Variants in PCDH15 observed in about 807,000 individuals in gnomAD.
PCDH15 encodes protocadherin related 15, also known as protocadherin-15.
A neutral mutation model predicts 178.5 loss-of-function variants in PCDH15; 129 were observed. That is an observed-to-expected ratio of 0.72 (90% CI 0.63 to 0.84). The LOEUF (loss-of-function observed/expected upper bound fraction) is 0.84. PCDH15 is among the 40% of genes least tolerant of loss of function. The probability of loss-of-function intolerance (pLI) is 0.00; values close to 1 mark genes in which losing one functional copy is unlikely to be tolerated. For synonymous variants in PCDH15, 800 were observed against 732.0 expected, an observed-to-expected ratio of 1.09 and a Z score of -1.50; for missense variants, 2,230 against 2,099.9, an observed-to-expected ratio of 1.06 and a Z score of -1.21.
chr10:54,880,234 T>C (rs1054255490), intron 3 of PCDH15, among the ~76,000 whole-genome samples: 3 of 152,186 alleles, frequency 2.0e-5, no homozygotes, highest in Non-Finnish European at 4.4e-5. Context: ...GCTAACTTGC[T>C]AATCAAAACT....
intron 2 of PCDH15, among the ~76,000 whole-genome samples, chr10:55,482,320 T>C (rs1282253966): frequency 2.6e-5 from 4 of 151,802 alleles, no homozygotes; most frequent in Admixed American, 6.6e-5. Flanking sequence ...ATTTAGCCCA[T>C]CCAGGTTAGT....
intron 2 of PCDH15, among the ~76,000 whole-genome samples, chr10:54,649,266 A>C: frequency 6.6e-6 from 1 of 152,224 alleles, no homozygotes; most frequent in East Asian, 1.9e-4. Flanking sequence ...TTTTCTAAAT[A>C]ATACACAATC....
intron 1 of PCDH15, among the ~76,000 whole-genome samples, chr10:54,791,951 T>C (rs1318494491): frequency 6.6e-6 from 1 of 151,916 alleles, no homozygotes; most frequent in Non-Finnish European, 1.5e-5. Flanking sequence ...GAAGCCCCTC[T>C]TGTTACAACA....
At chr10:54,423,150 T>G (rs2135871357) in intron 3 of PCDH15, among the ~76,000 whole-genome samples, 1 of 152,190 alleles carries the variant, frequency 6.6e-6, no homozygotes, top group African/African-American at 2.4e-5. Context: ...AATTTATTGA[T>G]ATTTAGTTAT....
intron 2 of PCDH15, among the ~76,000 whole-genome samples, chr10:55,424,558 T>C (rs1000531686): frequency 1.3e-5 from 2 of 152,150 alleles, no homozygotes; most frequent in Non-Finnish European, 1.5e-5. Context: ...ATGAACACTT[T>C]CCAGGCTACA....
rs1438228966 is a variant in PCDH15, at chr10:53,947,726, A to G, written c.3123-6751T>C. ...AGGATGGATTTTAGATAAGAAAATT[A>G]ATGAAGGGCCAAAAGACTAGACACT... is the stretch of plus-strand genomic sequence containing the variant. On this transcript the variant is annotated intron_variant, in intron 23 of 37. Coordinates refer to ENST00000644397, the MANE Select transcript of PCDH15 (RefSeq NM_001384140.1). Among the ~76,000 whole-genome samples the G allele has an allele frequency of 4.6e-5, 7 of 152,150 alleles. No individual in the cohort carries two copies. The South Asian group carries it at 1.4e-3, about 32-fold the overall frequency.
intron 15 of PCDH15, among the ~76,000 whole-genome samples, chr10:54,110,607 C>T (rs2095001444): frequency 6.6e-6 from 1 of 152,050 alleles, no homozygotes; most frequent in Admixed American, 6.6e-5. Context: ...GAATGAACTA[C>T]CTTTATTTTG....
intron 1 of PCDH15, among the ~76,000 whole-genome samples, chr10:54,766,929 CA>C (rs777507875): frequency 7.2e-6 from 1 of 139,660 alleles, no homozygotes; most frequent in Non-Finnish European, 1.6e-5. Flanking sequence ...GACTCCATCT[CA>C]AAAAAACAAA....
chr10:54,345,558 T>A (rs1194737046), intron 6 of PCDH15, among the ~76,000 whole-genome samples: 4 of 151,920 alleles, frequency 2.6e-5, no homozygotes, highest in Non-Finnish European at 5.9e-5. Flanking sequence ...AATCTTACTT[T>A]GTCTGTTTTT....
At chr10:54,404,587 C>T (rs1289624567) in intron 3 of PCDH15, among the ~76,000 whole-genome samples, 1 of 151,012 alleles carries the variant, frequency 6.6e-6, no homozygotes, top group African/African-American at 2.5e-5. Context: ...GACACAGGAA[C>T]AGGCAAAGAT....
intron 1 of PCDH15, among the ~76,000 whole-genome samples, chr10:55,171,253 C>T (rs1839324748): frequency 6.6e-6 from 1 of 152,194 alleles, no homozygotes; most frequent in Admixed American, 6.5e-5. Context: ...TGCCAAGCTA[C>T]TGATTCTTAC....
At chr10:53,907,400 C>T (rs370189984) in intron 25 of PCDH15, among the ~76,000 whole-genome samples, 2 of 152,064 alleles carry the variant, frequency 1.3e-5, no homozygotes, top group South Asian at 4.1e-4. Context: ...AACGTGCGTG[C>T]CTAATATCCT....
rs79715446 is a variant in PCDH15, at chr10:54,856,555, T to G, written c.-29+40895A>C. Among the ~76,000 whole-genome samples the G allele has an allele frequency of 8.3e-3, 1,260 of 152,310 alleles. 19 individuals carry two copies. The highest frequency in any genetic ancestry group is 0.047 in the East Asian group (243 of 5,186). On this transcript the variant is annotated intron_variant, in intron 3 of 5. Coordinates refer to the PCDH15 transcript ENST00000458638. The stretch of plus-strand genomic sequence containing the variant: ...TGCCACTTATATAAACATTTGCCCC[T>G]ATTTTATAGCTTCCCTAATATTCAA...
intron 1 of PCDH15, among the ~76,000 whole-genome samples, chr10:54,706,583 T>A (rs771977366): frequency 6.6e-6 from 1 of 152,174 alleles, no homozygotes; most frequent in African/African-American, 2.4e-5. Context: ...TATGTAGGTA[T>A]TTGAAGACTT....
intron 2 of PCDH15, among the ~76,000 whole-genome samples, chr10:55,451,164 G>C (rs1839427330): frequency 6.6e-6 from 1 of 151,814 alleles, no homozygotes; most frequent in Non-Finnish European, 1.5e-5. Flanking sequence ...ATGCCACACT[G>C]CCCTGGCCTA....
At chr10:54,368,781 G>T (rs1206774915) in intron 5 of PCDH15, among the ~76,000 whole-genome samples, 4 of 151,722 alleles carry the variant, frequency 2.6e-5, no homozygotes, top group African/African-American at 9.7e-5. Context: ...AAATACAAAG[G>T]CAATGTATTT....
intron 2 of PCDH15, among the ~76,000 whole-genome samples, chr10:55,127,892 G>C (rs925291640): frequency 6.6e-6 from 1 of 151,928 alleles, no homozygotes; most frequent in Admixed American, 6.6e-5. Context: ...TTTGCTTACA[G>C]TAATAAGAAA....
Position 54,022,934 on chromosome 10 carries a change from A to C in PCDH15, c.2484T>G (p.Val828=). The C allele has an allele frequency of 6.2e-7, 1 of 1,613,906 alleles. No individual in the cohort carries two copies. Among genetic ancestry groups the C allele is most frequent in the Non-Finnish European group, 8.5e-7 (1 of 1,179,844 alleles). ...VFTNSTYTVL[V]EENLPAGTTI... ...TAGTCCCAGCTGGCAAATTCTCTTC[A>C]ACAAGGACAGTGTATGTTGAATTGG... The change falls in exon 19 of 38, where the codon GTT becomes GTG. Residue 828 remains valine (V), a synonymous_variant. Coordinates refer to ENST00000644397, the MANE Select transcript of PCDH15 (RefSeq NM_001384140.1).
At chr10:53,888,702 T>TATATATATATA (rs1554845542) in intron 26 of PCDH15, among the ~76,000 whole-genome samples, 1,137 of 46,160 alleles carry the variant, frequency 0.025, 275 homozygotes, top group South Asian at 0.036. Context: ...TATATATATA[T>TATATATATATA]ATCTCCTGTG....
Sources: allele counts gnomAD v4.1 joint callset (sites outside exome capture counted in the v4.1 genomes callset), GRCh38; gene constraint gnomAD v4.1.1; transcripts MANE v1.5; gene names NCBI Gene and HGNC (gene_info 2026-07-23, HGNC 2026-07-21).